Variants in EPHA5 observed in about 807,000 individuals in gnomAD.
The protein encoded by EPHA5 is ephrin type-A receptor 5.
Under a neutral mutation model 105.0 loss-of-function variants are expected in EPHA5, and 60 were observed. The observed-to-expected ratio is 0.57, with a 90% confidence interval of 0.46 to 0.71. EPHA5 has a LOEUF of 0.71. Ranked by LOEUF, EPHA5 falls within the 30% of genes least tolerant of loss-of-function variation. The pLI, the probability that EPHA5 is intolerant of heterozygous loss-of-function variation, is 0.00. For missense variants in EPHA5, 1,218 were observed against 1,274.7 expected (o/e 0.96, Z 0.68); for synonymous variants, 513 against 449.1 (o/e 1.14, Z -1.80).
intron 8 of EPHA5, among the ~76,000 whole-genome samples, chr4:65,371,742 C>A (rs894614679): frequency 6.6e-6 from 1 of 151,958 alleles, no homozygotes. Context: ...CCTTGCAAAA[C>A]AATAGCCTCC....
At chr4:65,355,688 C>T (rs1203571559) in intron 11 of EPHA5, among the ~76,000 whole-genome samples, 9 of 151,548 alleles carry the variant, frequency 5.9e-5, no homozygotes, top group African/African-American at 2.2e-4. Flanking sequence ...TCCTGGATCA[C>T]CCTATGATAT....
intron 5 of EPHA5, among the ~76,000 whole-genome samples, chr4:65,469,925 A>G (rs1018866558): frequency 6.6e-6 from 1 of 152,174 alleles, no homozygotes; most frequent in East Asian, 1.9e-4. Context: ...TAAATAAAAT[A>G]AAAGTTCATA....
intron 8 of EPHA5, among the ~76,000 whole-genome samples, chr4:65,377,867 C>T (rs533043026): frequency 9.7e-4 from 148 of 152,002 alleles, no homozygotes; most frequent in African/African-American, 3.3e-3. Context: ...TGCTTCAATG[C>T]ATTCAATTCT....
At chr4:65,439,132 G>C (rs62298043) in intron 5 of EPHA5, among the ~76,000 whole-genome samples, 30,701 of 152,060 alleles carry the variant, frequency 0.2, 3,267 homozygotes, top group Middle Eastern at 0.27. Context: ...TTGATAAAAT[G>C]CAGCAAGTCT....
intron 5 of EPHA5, among the ~76,000 whole-genome samples, chr4:65,443,928 TGC>T (rs1553917154): frequency 1.3e-5 from 2 of 151,668 alleles, no homozygotes; most frequent in East Asian, 1.9e-4. Context: ...TGTGTGTGTG[TGC>T]GTGCACGTGT....
At chr4:65,651,576 T>A (rs548359786) in intron 1 of EPHA5, among the ~76,000 whole-genome samples, 4 of 152,350 alleles carry the variant, frequency 2.6e-5, no homozygotes, top group East Asian at 1.9e-4. Flanking sequence ...GACTTTTATT[T>A]TTCCTTTAGC....
Position 65,498,571 on chromosome 4 carries a change from C to T in EPHA5, c.911-3028G>A, listed in dbSNP as rs114849187. Among the ~76,000 whole-genome samples the T allele has an allele frequency of 3.2e-3, 487 of 151,736 alleles. 7 individuals carry two copies. The highest frequency in any genetic ancestry group is 0.011 in the African/African-American group (458 of 41,474). On this transcript the variant is annotated intron_variant, in intron 3 of 16. Transcript: ENST00000613740. ...GTGGTTCCAGTAGTGATCAATAAAA[C>T]GAGGGGAATTCAAGAAATGAGAATG...
intron 5 of EPHA5, among the ~76,000 whole-genome samples, chr4:65,427,983 A>G (rs1578095125): frequency 1.3e-5 from 2 of 152,260 alleles, no homozygotes; most frequent in East Asian, 3.9e-4. Flanking sequence ...GCAGATATAG[A>G]TAAATCCATA....
intron 16 of EPHA5, among the ~76,000 whole-genome samples, chr4:65,329,535 G>T (rs1720394846): frequency 6.6e-6 from 1 of 151,308 alleles, no homozygotes; most frequent in African/African-American, 2.4e-5. Flanking sequence ...ATGGCAGTTG[G>T]ACTATTCGCT....
intron 1 of EPHA5, among the ~76,000 whole-genome samples, chr4:65,663,366 C>G (rs1279667150): frequency 1.3e-5 from 2 of 151,998 alleles, no homozygotes; most frequent in East Asian, 3.9e-4. Flanking sequence ...TTTAAGAACT[C>G]CAAGTGGGAC....
intron 3 of EPHA5, among the ~76,000 whole-genome samples, chr4:65,553,873 T>A (rs1738152890): frequency 6.6e-6 from 1 of 152,174 alleles, no homozygotes; most frequent in African/African-American, 2.4e-5. Context: ...AACATGGCAA[T>A]GAGCCGCATC....
chr4:65,536,278 C>T (rs1439008547), intron 3 of EPHA5, among the ~76,000 whole-genome samples: 2 of 151,942 alleles, frequency 1.3e-5, no homozygotes, highest in Admixed American at 6.6e-5. Flanking sequence ...GGACTTCTTT[C>T]AGTTCATTAA....
At chr4:65,419,064 T>C (rs1385500858) in intron 6 of EPHA5, among the ~76,000 whole-genome samples, 1 of 151,608 alleles carries the variant, frequency 6.6e-6, no homozygotes, top group Non-Finnish European at 1.5e-5. Flanking sequence ...TTTGTATTTT[T>C]AGTATAGACA....
In EPHA5 at chr4:65,333,623, T is replaced by C. The variant is rs541935132; in HGVS notation, c.2790-1495A>G. ...CCTTTGCCTGCTAGTCTTTTTTTTT[T>C]TTTTTTTTTTCCTGACTTTAAAACT... On this transcript the variant is annotated intron_variant, in intron 15 of 16. Coordinates refer to ENST00000613740, the MANE Select transcript of EPHA5 (RefSeq NM_001281766.3). 1.4e-3 allele frequency among the ~76,000 whole-genome samples: 201 copies of C among 148,784 alleles called. 4 individuals are homozygous for C. Among genetic ancestry groups the C allele is most frequent in the African/African-American group, 4.8e-3 (191 of 40,164 alleles).
intron 2 of EPHA5, among the ~76,000 whole-genome samples, chr4:65,635,422 A>G (rs1747029767): frequency 6.6e-6 from 1 of 152,102 alleles, no homozygotes; most frequent in Non-Finnish European, 1.5e-5. Flanking sequence ...TGACTGGAGG[A>G]AGAAAATAGA....
At chr4:65,379,732 TA>T (rs1719371117) in intron 8 of EPHA5, among the ~76,000 whole-genome samples, 1 of 151,736 alleles carries the variant, frequency 6.6e-6, no homozygotes, top group Non-Finnish European at 1.5e-5. Flanking sequence ...CTAGACTAAA[TA>T]TTTTTATCCA....
At chr4:65,431,567 T>C (rs565470556) in intron 5 of EPHA5, among the ~76,000 whole-genome samples, 1 of 152,190 alleles carries the variant, frequency 6.6e-6, no homozygotes, top group South Asian at 2.1e-4. Flanking sequence ...GAAAAAGTGC[T>C]ACTGGCAATT....
chr4:65,662,050 C>T (rs1228200183), intron 1 of EPHA5, among the ~76,000 whole-genome samples: 15 of 151,988 alleles, frequency 9.9e-5, no homozygotes, highest in Admixed American at 9.8e-4. Context: ...TGGAACAAAA[C>T]AGGCAGGGGC....
rs1356418495 is a variant in EPHA5, at chr4:65,320,493, C to T, written c.*3621G>A. The T allele has an allele frequency of 8.7e-6, 2 of 229,170 alleles. No homozygotes were observed. Among genetic ancestry groups the T allele is most frequent in the East Asian group, 1.2e-4 (2 of 16,186 alleles). The allele number at this position is 229,170 out of a possible 1,614,324, so 14.2% of individuals were successfully genotyped here. A position where few individuals can be genotyped will look rare whatever the true frequency, so the allele number is the denominator to read the frequency against. On this transcript the variant is annotated 3_prime_UTR_variant, in exon 17 of 17. Transcript: ENST00000613740. The stretch of plus-strand genomic sequence containing the variant: ...AAAATGAGAAAGGGACCTTATTCTA[C>T]TATGTAATATAATACATCTAATAAA...
Sources: allele counts gnomAD v4.1 joint callset (sites outside exome capture counted in the v4.1 genomes callset), GRCh38; gene constraint gnomAD v4.1.1; transcripts MANE v1.5; gene names NCBI Gene and HGNC (gene_info 2026-07-23, HGNC 2026-07-21).